REV3L: variants seen among roughly 807,000 people sequenced by gnomAD.
The protein encoded by REV3L is DNA polymerase zeta catalytic subunit.
A neutral mutation model predicts 299.4 loss-of-function variants in REV3L; 69 were observed. The ratio of observed to expected loss-of-function variants is 0.23; its 90% CI spans 0.19 to 0.28. REV3L has a LOEUF of 0.28. Ranked by LOEUF, REV3L falls within the 10% of genes least tolerant of loss-of-function variation. REV3L has a pLI of 1.00. For synonymous variants in REV3L, 1,238 were observed against 1,271.4 expected, an observed-to-expected ratio of 0.97 and a Z score of 0.56; for missense variants, 3,128 against 3,693.8, an observed-to-expected ratio of 0.85 and a Z score of 3.97.
chr6:111,352,160 C>T (rs900963835), intron 18 of REV3L, among the ~76,000 whole-genome samples: 6 of 151,946 alleles, frequency 3.9e-5, no homozygotes, highest in African/African-American at 1.5e-4. Flanking sequence ...GTGCCCCACA[C>T]CACGCCCGGC....
rs1779996189 is a variant in REV3L at position 111,373,471 on chromosome 6, G to A, written c.4884C>T (p.Gly1628=). The change falls in exon 13 of 32, where the codon GGC becomes GGT. Residue 1628 remains glycine, a synonymous_variant. Coordinates refer to ENST00000368802, the MANE Select transcript of REV3L (RefSeq NM_001372078.1). The part of the protein sequence containing the change: ...DDSPIFFSDP[G]FESCYSLEDS... ...CTTCAAGTGAGTAACAACTTTCAAAGCCTGGATCTGAAAAAAAGATGGGAC... is the reference window on the plus strand; with the variant it reads ...CTTCAAGTGAGTAACAACTTTCAAAACCTGGATCTGAAAAAAAGATGGGAC... 1 of 1,613,230 alleles carries A rather than the reference G, an allele frequency of 6.2e-7. No individual in the cohort carries two copies. The highest frequency in any genetic ancestry group is 1.3e-5 in the African/African-American group (1 of 74,896).
intron 22 of REV3L, among the ~76,000 whole-genome samples, chr6:111,335,185 C>T (rs1188808514): frequency 6.6e-6 from 1 of 152,072 alleles, no homozygotes; most frequent in Non-Finnish European, 1.5e-5. Flanking sequence ...AAGGTACTTT[C>T]TTTGTTGCTT....
intron 26 of REV3L, among the ~76,000 whole-genome samples, chr6:111,316,778 TATC>T (rs1773577695): frequency 6.6e-6 from 1 of 152,128 alleles, no homozygotes; most frequent in Non-Finnish European, 1.5e-5. Context: ...TCTGTAATCA[TATC>T]ATATACAAAA....
chr6:111,316,434 C>A (rs1336427531), intron 26 of REV3L, among the ~76,000 whole-genome samples: 2 of 151,768 alleles, frequency 1.3e-5, no homozygotes. Flanking sequence ...GAGGCTGAGG[C>A]GGGTGTATCA....
intron 13 of REV3L, among the ~76,000 whole-genome samples, chr6:111,369,391 A>G (rs1374126793): frequency 6.6e-6 from 1 of 152,038 alleles, no homozygotes; most frequent in South Asian, 2.1e-4. Context: ...AAATCTCCTA[A>G]TATGTATCAA....
chr6:111,393,053 T>G, intron 4 of REV3L, 81 bp from the exon 5 acceptor site: 1 of 944,536 alleles, frequency 1.1e-6, no homozygotes, highest in Non-Finnish European at 1.6e-6. Flanking sequence ...TTTTTTTTTT[T>G]TTGAGATGGA....
chr6:111,466,114 G>A (rs1791483841), intron 1 of REV3L, among the ~76,000 whole-genome samples: 1 of 151,974 alleles, frequency 6.6e-6, no homozygotes, highest in South Asian at 2.1e-4. Context: ...AAAAATGGAG[G>A]TTATATTACT....
At chr6:111,427,941 C>A (rs1786384891) in intron 1 of REV3L, among the ~76,000 whole-genome samples, 1 of 151,150 alleles carries the variant, frequency 6.6e-6, no homozygotes, top group Non-Finnish European at 1.5e-5. Flanking sequence ...TTAAGAGGTT[C>A]ATTTCACAGG....
intron 1 of REV3L, among the ~76,000 whole-genome samples, chr6:111,467,843 G>A (rs1207984844): frequency 2.0e-5 from 3 of 152,068 alleles, no homozygotes; most frequent in Non-Finnish European, 4.4e-5. Flanking sequence ...GGATACAGAG[G>A]GAAGACTGTA....
chr6:111,367,366 C>T lies in REV3L; in HGVS notation c.6422G>A (p.Gly2141Glu), dbSNP rs1433917050. The stretch of plus-strand genomic sequence containing the variant: ...TACTGGTGATGAGGGTCTATCATCT[C>T]CATTTAATGCTTTGGAATCTGGGGA... ...PISPDSKALN[G>E]DDRPSSPVEE... Residue 2141 changes from glycine to glutamate, a missense_variant, in exon 14 of 32, where the codon GGA (glycine) becomes GAA (glutamate). Physicochemically the swap from Gly to Glu is moderately conservative, Grantham distance 98 (BLOSUM62 -2). This residue lies in a region of REV3L where 2,409 missense variants were observed against 2,611.8 expected (regional missense o/e 0.92). Transcript: ENST00000368802. 6 of 1,607,266 alleles carry T rather than the reference C, an allele frequency of 3.7e-6. No individual in the cohort carries two copies. The South Asian group carries it at 6.7e-5, about 18-fold the overall frequency.
At chr6:111,407,798 G>A (rs765166521) in intron 3 of REV3L, among the ~76,000 whole-genome samples, 2 of 151,998 alleles carry the variant, frequency 1.3e-5, no homozygotes, top group African/African-American at 2.4e-5. Context: ...TTAGTCAGAC[G>A]TGGTGGTGGT....
chr6:111,403,921 G>A (rs746603730), intron 4 of REV3L, among the ~76,000 whole-genome samples: 10 of 152,190 alleles, frequency 6.6e-5, no homozygotes, highest in African/African-American at 1.4e-4. Context: ...ACACACAAAC[G>A]ATGAGAAAGT....
At chr6:111,451,233 ATATT>A (rs1378152342) in intron 1 of REV3L, among the ~76,000 whole-genome samples, 51 of 152,284 alleles carry the variant, frequency 3.3e-4, no homozygotes, top group African/African-American at 1.1e-3. Context: ...TCACAATATT[ATATT>A]TATTATATAG....
chr6:111,335,698 G>T, intron 21 of REV3L, 88 bp from the exon 22 acceptor site: 1 of 1,324,662 alleles, frequency 7.5e-7, no homozygotes, highest in Non-Finnish European at 1.0e-6. Flanking sequence ...AAATCTACAT[G>T]CTAAAAGTGA....
At chr6:111,312,197 T>C (rs1286980102) in intron 28 of REV3L, 2 of 152,210 alleles carry the variant, frequency 1.3e-5, no homozygotes, top group Non-Finnish European at 2.9e-5. Flanking sequence ...TTAATTTAGC[T>C]TGAGTACAAT....
chr6:111,314,124 T>G (rs1202895275), intron 27 of REV3L, among the ~76,000 whole-genome samples: 1 of 152,222 alleles, frequency 6.6e-6, no homozygotes, highest in Non-Finnish European at 1.5e-5. Context: ...GTCTTATGCT[T>G]CTTCGTATTC....
intron 30 of REV3L, chr6:111,307,834 G>A (rs1420443953): frequency 7.3e-6 from 3 of 409,482 alleles, no homozygotes; most frequent in East Asian, 5.0e-5. Flanking sequence ...TCTAGGGTAT[G>A]TGCAGGTTTG....
intron 1 of REV3L, among the ~76,000 whole-genome samples, chr6:111,433,031 TG>T (rs1787131193): frequency 6.6e-6 from 1 of 152,028 alleles, no homozygotes; most frequent in Admixed American, 6.5e-5. Context: ...CCCAAACCTA[TG>T]GGATACAGCA....
chr6:111,430,115 GGA>G lies in REV3L; in HGVS notation c.140-13645_140-13644del. The G allele has an allele frequency of 5.1e-6, 4 of 789,994 alleles. No individual in the cohort carries two copies. The Admixed American group carries it at 6.8e-5, about 13-fold the overall frequency. 48.9% of individuals were successfully genotyped at this position (789,994 alleles called of 1,614,324 possible). On this transcript the variant is annotated intron_variant, in intron 1 of 31. Coordinates refer to ENST00000368802, the MANE Select transcript of REV3L (RefSeq NM_001372078.1). ...AAAAGAAGCGAGATTGAGACGGGGTGGAGAATGAGGCAGAAAAAGACCTCCAG... is the reference window on the plus strand; with the variant it reads ...AAAAGAAGCGAGATTGAGACGGGGTGGAATGAGGCAGAAAAAGACCTCCAG...
Sources: gnomAD v4.1 joint callset for allele counts (sites outside exome capture counted in the v4.1 genomes callset) on GRCh38, gnomAD v4.1.1 for gene constraint, gnomAD v4.1.1 regional missense constraint, MANE v1.5 for transcripts, NCBI Gene and HGNC (gene_info 2026-07-23, HGNC 2026-07-21) for gene names.